Variants in PDE4D observed in about 807,000 individuals in gnomAD.
The protein encoded by PDE4D is phosphodiesterase 4D, also known as 3',5'-cyclic-AMP phosphodiesterase 4D.
In PDE4D, 24 loss-of-function variants were observed where a neutral mutation model predicts 87.4. The ratio of observed to expected loss-of-function variants is 0.27; its 90% CI spans 0.20 to 0.39. The LOEUF is 0.39. PDE4D is among the 10% of genes least tolerant of loss of function. PDE4D has a pLI of 1.00. For missense variants in PDE4D, 714 were observed against 1,041.0 expected, an observed-to-expected ratio of 0.69 and a Z score of 4.32; for synonymous variants, 384 against 383.2, an observed-to-expected ratio of 1.00 and a Z score of -0.02.
chr5:59,889,982 T>G (rs1266684850), intron 1 of PDE4D, among the ~76,000 whole-genome samples: 1 of 152,220 alleles, frequency 6.6e-6, no homozygotes, highest in Non-Finnish European at 1.5e-5. Flanking sequence ...ATCTAAGGGT[T>G]GTCTCCTTAC....
At chr5:59,456,046 T>A (rs1799880381) in intron 1 of PDE4D, among the ~76,000 whole-genome samples, 1 of 152,196 alleles carries the variant, frequency 6.6e-6, no homozygotes, top group South Asian at 2.1e-4. Flanking sequence ...TCAGATGAGA[T>A]GTAGGACTGT....
chr5:60,013,199 A>G (rs555563577), intron 2 of PDE4D, among the ~76,000 whole-genome samples: 21 of 152,240 alleles, frequency 1.4e-4, no homozygotes, highest in Non-Finnish European at 2.6e-4. Flanking sequence ...GTTCTCATAT[A>G]ACTGTGATCC....
At chr5:60,497,060 A>G (rs1749845589) in intron 1 of PDE4D, among the ~76,000 whole-genome samples, 1 of 152,228 alleles carries the variant, frequency 6.6e-6, no homozygotes, top group South Asian at 2.1e-4. Flanking sequence ...TGCTTTTGCA[A>G]ACATACTACA....
In PDE4D at chr5:59,041,262, A is replaced by T. The variant is rs1759643349; in HGVS notation, c.809-2291T>A. The stretch of plus-strand genomic sequence containing the variant: ...ATGTAAAAAATATTACATGCTTGTT[A>T]TAAAAATTGAAGCATTACACACAAA... On this transcript the variant is annotated intron_variant, in intron 5 of 14. Transcript: ENST00000340635. Among the ~76,000 whole-genome samples, 5 of 152,362 alleles carry T rather than the reference A, an allele frequency of 3.3e-5. No homozygotes were observed. The South Asian group carries it at 1.0e-3, about 32-fold the overall frequency.
At chr5:60,126,431 G>T (rs1245103022) in intron 2 of PDE4D, among the ~76,000 whole-genome samples, 2 of 151,898 alleles carry the variant, frequency 1.3e-5, no homozygotes, top group Non-Finnish European at 2.9e-5. Flanking sequence ...TTTTATCTGA[G>T]TATTTATTAC....
chr5:59,279,561 C>T (rs1341056801), intron 1 of PDE4D, among the ~76,000 whole-genome samples: 1 of 152,000 alleles, frequency 6.6e-6, no homozygotes. Context: ...TTCAGATTTC[C>T]TACCTCTTTC....
intron 2 of PDE4D, among the ~76,000 whole-genome samples, chr5:60,047,100 G>T (rs1180765639): frequency 2.6e-5 from 4 of 152,192 alleles, no homozygotes; most frequent in African/African-American, 9.7e-5. Context: ...TCTTGGGAGA[G>T]TGTGTGTGTC....
chr5:59,556,765 T>C (rs527725527), intron 1 of PDE4D, among the ~76,000 whole-genome samples: 1 of 152,068 alleles, frequency 6.6e-6, no homozygotes. Context: ...CTTTTTAACA[T>C]TCTGAATTAA....
At chr5:60,430,991 C>G (rs1396443796) in intron 1 of PDE4D, 8 of 271,336 alleles carry the variant, frequency 2.9e-5, no homozygotes, top group Non-Finnish European at 5.8e-5. Flanking sequence ...TTTTCCCCAC[C>G]TTTCCCCCCT....
chr5:59,664,356 T>C (rs1276937267), intron 1 of PDE4D, among the ~76,000 whole-genome samples: 1 of 152,230 alleles, frequency 6.6e-6, no homozygotes, highest in Non-Finnish European at 1.5e-5. Context: ...TATGTATGAA[T>C]ATATTTATTT....
intron 1 of PDE4D, among the ~76,000 whole-genome samples, chr5:59,578,704 C>T (rs1313978934): frequency 5.3e-5 from 8 of 152,022 alleles, no homozygotes; most frequent in Admixed American, 5.3e-4. Context: ...CCATTTAATA[C>T]TTCCCAGAGA....
chr5:59,561,527 T>C lies in PDE4D; in HGVS notation c.455+331641A>G, dbSNP rs1819975060. On this transcript the variant is annotated intron_variant, in intron 1 of 14. Transcript: ENST00000340635. Reference sequence around the variant, plus strand: ...TTATGGATTTACTTATAATTAGTTTTTGTTTTTGGAAATTTGAAAAATGCA... The same window carrying C: ...TTATGGATTTACTTATAATTAGTTTCTGTTTTTGGAAATTTGAAAAATGCA... Among the ~76,000 whole-genome samples the C allele has an allele frequency of 3.9e-5, 6 of 152,334 alleles. No homozygotes were observed. In the South Asian group the frequency reaches 1.2e-3, roughly 32 times the overall value.
intron 1 of PDE4D, among the ~76,000 whole-genome samples, chr5:60,253,541 G>A (rs1347303911): frequency 6.6e-6 from 1 of 151,832 alleles, no homozygotes; most frequent in Non-Finnish European, 1.5e-5. Flanking sequence ...CCAGACTTGA[G>A]AGGCTATCTC....
chr5:59,362,698 A>G (rs1782410166), intron 1 of PDE4D, among the ~76,000 whole-genome samples: 1 of 152,172 alleles, frequency 6.6e-6, no homozygotes, highest in African/African-American at 2.4e-5. Context: ...TGCTACCCTT[A>G]TTGTTGGCCA....
chr5:60,042,860 T>G (rs186897177), intron 2 of PDE4D, among the ~76,000 whole-genome samples: 1 of 152,062 alleles, frequency 6.6e-6, no homozygotes, highest in African/African-American at 2.4e-5. Flanking sequence ...GCAAAAAGTC[T>G]TAAAATTACA....
At position 59,066,995 on chromosome 5, in the gene PDE4D, T is replaced by G. The variant is rs563191626; in HGVS notation, c.809-28024A>C. 3.9e-3 allele frequency among the ~76,000 whole-genome samples: 425 copies of G among 110,178 alleles called. 3 individuals carry two copies. Among genetic ancestry groups the G allele is most frequent in the African/African-American group, 0.012 (396 of 32,350 alleles). 72.3% of individuals were successfully genotyped at this position (110,178 alleles called of 152,430 possible). A position where few individuals can be genotyped will look rare whatever the true frequency, so the allele number is the denominator to read the frequency against. ...TAAGCCACCCAGCTCGTGATTTATT[T>G]ATTTATTTATTTATTTATTTATTTA... is the stretch of plus-strand genomic sequence containing the variant. On this transcript the variant is annotated intron_variant, in intron 5 of 14. Coordinates refer to ENST00000340635, the MANE Select transcript of PDE4D (RefSeq NM_001104631.2).
intron 2 of PDE4D, among the ~76,000 whole-genome samples, chr5:60,183,758 A>C (rs977360846): frequency 2.0e-5 from 3 of 152,222 alleles, no homozygotes; most frequent in African/African-American, 7.2e-5. Flanking sequence ...TCTACCTCTA[A>C]GTATACAATT....
rs535696279 is a variant in PDE4D, at chr5:59,592,187, T to C, written c.455+300981A>G. The C allele has an allele frequency of 1.4e-4, 138 of 962,876 alleles. No individual in the cohort carries two copies. In the African/African-American group the frequency reaches 2.3e-3, roughly 16 times the overall value. The allele number at this position is 962,876 out of a possible 1,614,324, so 59.6% of individuals were successfully genotyped here. ...AACAGTGTCTTCTTCTCTATATTTA[T>C]AACACCAAAAACATTGTTGGTACTC... On this transcript the variant is annotated intron_variant, in intron 1 of 14. Transcript: ENST00000340635.
chr5:59,656,113 T>C (rs1744311747), intron 1 of PDE4D, among the ~76,000 whole-genome samples: 1 of 151,950 alleles, frequency 6.6e-6, no homozygotes, highest in African/African-American at 2.4e-5. Flanking sequence ...GACACAGATG[T>C]ACATTCCTCA....
Sources: allele counts gnomAD v4.1 joint callset (sites outside exome capture counted in the v4.1 genomes callset), GRCh38; gene constraint gnomAD v4.1.1; transcripts MANE v1.5; gene names NCBI Gene and HGNC (gene_info 2026-07-23, HGNC 2026-07-21).